The following PPFIA2 variants were observed in gnomAD, a reference collection of about 807,000 sequenced individuals.
The protein encoded by PPFIA2 is PPFI scaffold protein A2, also known as liprin-alpha-2.
PPFIA2 carries 46 observed loss-of-function variants against 175.5 expected under a neutral mutation model. The ratio of observed to expected loss-of-function variants is 0.26; its 90% confidence interval spans 0.21 to 0.34. The LOEUF (loss-of-function observed/expected upper bound fraction) is 0.34, where lower values mean the gene tolerates loss of function less well. PPFIA2 is among the 10% of genes least tolerant of loss of function. The pLI is 1.00. For synonymous variants in PPFIA2, 568 were observed against 511.4 expected, an observed-to-expected ratio of 1.11 and a Z score of -1.49; for missense variants, 1,179 against 1,506.1, an observed-to-expected ratio of 0.78 and a Z score of 3.60.
intron 3 of PPFIA2, among the ~76,000 whole-genome samples, chr12:81,716,321 T>C (rs1010170427): frequency 2.6e-5 from 4 of 151,784 alleles, no homozygotes; most frequent in African/African-American, 7.2e-5. Context: ...TGAGTTGTAG[T>C]TTGTGTTGCC....
At chr12:81,648,943 A>C (rs1309180722) in intron 4 of PPFIA2, among the ~76,000 whole-genome samples, 1 of 152,012 alleles carries the variant, frequency 6.6e-6, no homozygotes, top group African/African-American at 2.4e-5. Context: ...TATGAGAAAA[A>C]ATATTTACAT....
chr12:81,535,634 C>T, intron 4 of PPFIA2: 1 of 337,628 alleles, frequency 3.0e-6, no homozygotes, highest in South Asian at 2.4e-5. Context: ...CCACAGCAAA[C>T]ACACACATAC....
At chr12:81,471,388 T>C (rs898952724) in intron 4 of PPFIA2, 6 of 151,534 alleles carry the variant, frequency 4.0e-5, no homozygotes, top group Admixed American at 2.0e-4. Flanking sequence ...GGTCTCGAAC[T>C]CCTGGGCTCA....
intron 4 of PPFIA2, among the ~76,000 whole-genome samples, chr12:81,586,468 T>G (rs1344051064): frequency 6.6e-6 from 1 of 151,928 alleles, no homozygotes; most frequent in Non-Finnish European, 1.5e-5. Context: ...TCTTTTAATT[T>G]GTAGATACAG....
chr12:81,703,986 A>G (rs903344288), intron 3 of PPFIA2, among the ~76,000 whole-genome samples: 2 of 152,158 alleles, frequency 1.3e-5, no homozygotes, highest in Non-Finnish European at 2.9e-5. Flanking sequence ...CATTGAATTA[A>G]GATAAAATTA....
chr12:81,397,663 A>G (rs1173395982), intron 8 of PPFIA2, among the ~76,000 whole-genome samples: 2 of 152,092 alleles, frequency 1.3e-5, no homozygotes, highest in South Asian at 2.1e-4. Flanking sequence ...GAAACTTTGT[A>G]TATTATAAGA....
intron 4 of PPFIA2, chr12:81,471,138 T>TATTTATTC (rs2056652728): frequency 6.7e-6 from 1 of 148,822 alleles, no homozygotes; most frequent in East Asian, 1.9e-4. Flanking sequence ...TTTATTTATT[T>TATTTATTC]ATTTATTTAT....
chr12:81,478,097 T>C (rs1395391322), intron 4 of PPFIA2, among the ~76,000 whole-genome samples: 1 of 152,106 alleles, frequency 6.6e-6, no homozygotes. Context: ...TCTTGTTATA[T>C]GTCTATTCAG....
intron 7 of PPFIA2, among the ~76,000 whole-genome samples, chr12:81,416,673 G>A (rs1459258071): frequency 6.6e-6 from 1 of 151,638 alleles, no homozygotes; most frequent in Non-Finnish European, 1.5e-5. Flanking sequence ...ATTCATACTG[G>A]TTCCTCACAA....
intron 4 of PPFIA2, among the ~76,000 whole-genome samples, chr12:81,627,366 C>T (rs1041796941): frequency 6.6e-6 from 1 of 152,032 alleles, no homozygotes; most frequent in Non-Finnish European, 1.5e-5. Flanking sequence ...TATCATTATA[C>T]ATTTTATACT....
At chr12:81,357,871 A>T (rs2061079526) in intron 16 of PPFIA2, among the ~76,000 whole-genome samples, 1 of 152,170 alleles carries the variant, frequency 6.6e-6, no homozygotes, top group Non-Finnish European at 1.5e-5. Flanking sequence ...TCATAATGTT[A>T]TATGAATAAA....
intron 4 of PPFIA2, among the ~76,000 whole-genome samples, chr12:81,544,972 A>G (rs545583876): frequency 2.0e-4 from 30 of 152,324 alleles, no homozygotes; most frequent in African/African-American, 5.0e-4. Flanking sequence ...TATTGTCTCA[A>G]TGAGGTAATG....
chr12:81,754,142 G>A lies in PPFIA2; in HGVS notation c.80C>T (p.Ser27Leu), dbSNP rs1292157247. The change falls in exon 3 of 33, where the codon TCA becomes TTA. Residue 27 changes from serine (S) to leucine (L), a missense_variant. Ser to Leu is a moderately radical substitution (Grantham distance 145). Around this residue, in one of 10 missense-constraint regions of PPFIA2, gnomAD observed 128 missense variants for 141.4 expected, o/e 0.91. Coordinates refer to ENST00000549396, the MANE Select transcript of PPFIA2 (RefSeq NM_003625.5). Reference sequence around the variant, plus strand: ...CATCAGCTGCTCAAAATGGGAGTCTGAGTCCGAGCCACTGCTTTGGGACCC... The same window carrying A: ...CATCAGCTGCTCAAAATGGGAGTCTAAGTCCGAGCCACTGCTTTGGGACCC... Reference protein sequence around the residue: ...QRGSQSSGSDSDSHFEQLMVN... With the variant: ...QRGSQSSGSDLDSHFEQLMVN... 6.2e-7 allele frequency: 1 copy of A among 1,613,284 alleles called. No individual in the cohort carries two copies. Among genetic ancestry groups the A allele is most frequent in the African/African-American group, 1.3e-5 (1 of 74,904 alleles).
At chr12:81,560,240 A>ATG (rs1335476149) in intron 4 of PPFIA2, among the ~76,000 whole-genome samples, 1 of 151,028 alleles carries the variant, frequency 6.6e-6, no homozygotes, top group East Asian at 1.9e-4. Context: ...GGTGGGGGGT[A>ATG]TGTGTGTGTG....
intron 22 of PPFIA2, among the ~76,000 whole-genome samples, chr12:81,303,157 T>C (rs1439183093): frequency 1.3e-5 from 2 of 152,196 alleles, no homozygotes; most frequent in Non-Finnish European, 2.9e-5. Flanking sequence ...AATTCAACTT[T>C]TTTTAAAGGT....
rs888985859 is a variant in PPFIA2 at position 81,627,422 on chromosome 12, T to C, written c.303+49369A>G. On this transcript the variant is annotated intron_variant, in intron 4 of 32. Coordinates refer to ENST00000549396, the MANE Select transcript of PPFIA2 (RefSeq NM_003625.5). ...ACCCCATAAATATGTGCAACTATTATGTACCCATTAAATTAAAATTGTTTT... is the reference window on the plus strand; with the variant it reads ...ACCCCATAAATATGTGCAACTATTACGTACCCATTAAATTAAAATTGTTTT... Among the ~76,000 whole-genome samples, 6 of 152,160 alleles carry C rather than the reference T, an allele frequency of 3.9e-5. 1 individual carries two copies. The East Asian group carries it at 9.6e-4, about 24-fold the overall frequency.
intron 4 of PPFIA2, among the ~76,000 whole-genome samples, chr12:81,484,961 C>T (rs2058660384): frequency 6.6e-6 from 1 of 151,484 alleles, no homozygotes; most frequent in African/African-American, 2.4e-5. Flanking sequence ...TAATATATAG[C>T]TACAATATAA....
chr12:81,625,449 TA>T (rs2062587759), intron 4 of PPFIA2, among the ~76,000 whole-genome samples: 1 of 152,030 alleles, frequency 6.6e-6, no homozygotes, highest in East Asian at 1.9e-4. Flanking sequence ...TAATAAATAG[TA>T]TGATATATAT....
intron 30 of PPFIA2, among the ~76,000 whole-genome samples, chr12:81,265,022 GTGGCTCACGC>G (rs1208106564): frequency 2.0e-5 from 3 of 150,186 alleles, no homozygotes; most frequent in Non-Finnish European, 4.5e-5. Context: ...GCTGGGCGTG[GTGGCTCACGC>G]CTGTAATCCC....
Sources: gnomAD v4.1 joint callset for allele counts (sites outside exome capture counted in the v4.1 genomes callset) on GRCh38, gnomAD v4.1.1 for gene constraint, gnomAD v4.1.1 regional missense constraint, MANE v1.5 for transcripts, NCBI Gene and HGNC (gene_info 2026-07-23, HGNC 2026-07-21) for gene names.